The following ESRRG variants were observed in gnomAD, a reference collection of about 807,000 sequenced individuals.
The protein encoded by ESRRG is estrogen related receptor gamma, also known as estrogen-related receptor gamma.
A neutral mutation model predicts 44.0 loss-of-function variants in ESRRG; 13 were observed. The observed-to-expected ratio is 0.30, with a 90% CI of 0.19 to 0.47. ESRRG has a LOEUF of 0.47. Among genes scored for constraint, ESRRG ranks in the 20% least tolerant of loss-of-function variants. The pLI, the probability that ESRRG is intolerant of heterozygous loss-of-function variation, is 1.00. For synonymous variants in ESRRG, 215 were observed against 214.6 expected (o/e 1.00, Z -0.02); for missense variants, 395 against 580.6 (o/e 0.68, Z 3.29).
At chr1:216,779,871 A>G (rs2093861451) in intron 2 of ESRRG, among the ~76,000 whole-genome samples, 2 of 151,674 alleles carry the variant, frequency 1.3e-5, no homozygotes, top group Non-Finnish European at 2.9e-5. Flanking sequence ...CAGTACTTTC[A>G]TCTGTTCAAA....
intron 2 of ESRRG, among the ~76,000 whole-genome samples, chr1:216,811,043 T>C (rs2094953674): frequency 6.6e-6 from 1 of 151,926 alleles, no homozygotes; most frequent in African/African-American, 2.4e-5. Context: ...AAAATAAATT[T>C]CAGAAACTAA....
intron 6 of ESRRG, among the ~76,000 whole-genome samples, chr1:216,514,724 A>G (rs538158602): frequency 2.0e-5 from 3 of 152,278 alleles, no homozygotes; most frequent in Admixed American, 6.5e-5. Context: ...ATAGCCATGC[A>G]TGATTATCAG....
chr1:217,052,242 A>G (rs555857604), intron 1 of ESRRG, among the ~76,000 whole-genome samples: 1 of 152,224 alleles, frequency 6.6e-6, no homozygotes, highest in African/African-American at 2.4e-5. Context: ...TTTTAAAACT[A>G]TGAAGAAAGT....
In ESRRG at chr1:216,519,252, A is replaced by T; in HGVS notation, c.1032T>A (p.Asp344Glu). The T allele has an allele frequency of 6.2e-7, 1 of 1,613,794 alleles. No individual in the cohort carries two copies. The highest frequency in any genetic ancestry group is 8.5e-7 in the Non-Finnish European group (1 of 1,179,790). Residue 344 changes from aspartate (D) to glutamate (E), a missense_variant, in exon 6 of 7, where the codon GAT becomes GAA. Asp to Glu is a conservative substitution (Grantham distance 45, BLOSUM62 2). Coordinates refer to ENST00000408911, the MANE Select transcript of ESRRG (RefSeq NM_001438.4). ...EDQSKLAGLL[D>E]LNNAILQLVK... is the part of the protein sequence containing the mutation. The stretch of plus-strand genomic sequence containing the variant: ...CCAGCTGCAGGATAGCATTATTTAG[A>T]TCAAGAAGGCCTGCTAATTTGGACT...
chr1:216,843,131 G>A (rs1232978681), intron 2 of ESRRG, among the ~76,000 whole-genome samples: 1 of 150,744 alleles, frequency 6.6e-6, no homozygotes, highest in African/African-American at 2.4e-5. Flanking sequence ...GGAAATAAAT[G>A]AGAGATAGTC....
chr1:216,810,832 TATG>T (rs995086549), intron 2 of ESRRG, among the ~76,000 whole-genome samples: 51 of 149,714 alleles, frequency 3.4e-4, no homozygotes, highest in Admixed American at 1.3e-4. Flanking sequence ...TATATAACTC[TATG>T]ATATGTGTGT....
chr1:217,006,172 C>G (rs60358020), intron 1 of ESRRG, among the ~76,000 whole-genome samples: 19,811 of 152,036 alleles, frequency 0.13, 2,201 homozygotes, highest in African/African-American at 0.3. Flanking sequence ...AATAAACATA[C>G]ACTCAATGTT....
At chr1:217,094,159 A>G (rs1358639816), upstream of ESRRG, among the ~76,000 whole-genome samples, 1 of 152,194 alleles carries the variant, frequency 6.6e-6, no homozygotes, top group African/African-American at 2.4e-5. Context: ...TGCTGGGATT[A>G]CAGGCATGAG....
chr1:216,800,652 G>C (rs2094587214), intron 2 of ESRRG, among the ~76,000 whole-genome samples: 1 of 152,118 alleles, frequency 6.6e-6, no homozygotes, highest in Non-Finnish European at 1.5e-5. Context: ...CTTCTTTGAG[G>C]ATCTGATGAA....
At chr1:216,513,992 G>A (rs1283468972) in intron 6 of ESRRG, among the ~76,000 whole-genome samples, 2 of 152,064 alleles carry the variant, frequency 1.3e-5, no homozygotes, top group African/African-American at 4.8e-5. Flanking sequence ...CAACTGCAGA[G>A]TATTTTATGT....
At chr1:216,933,121 T>C (rs1283977875) in intron 2 of ESRRG, among the ~76,000 whole-genome samples, 2 of 152,270 alleles carry the variant, frequency 1.3e-5, no homozygotes, top group East Asian at 3.9e-4. Context: ...GATTAAATGA[T>C]TTATTATATT....
chr1:217,018,962 G>A (rs564546341), intron 1 of ESRRG, among the ~76,000 whole-genome samples: 18 of 152,302 alleles, frequency 1.2e-4, no homozygotes, highest in Middle Eastern at 3.4e-3. Flanking sequence ...ACTTTACAAA[G>A]TGAGTGCTTA....
chr1:216,736,360 T>G (rs1161627190), intron 2 of ESRRG, among the ~76,000 whole-genome samples: 1 of 151,874 alleles, frequency 6.6e-6, no homozygotes, highest in African/African-American at 2.4e-5. Context: ...ATTTTTTGTA[T>G]TTTTAGTAGA....
chr1:216,559,352 C>T (rs2058250647), intron 5 of ESRRG, among the ~76,000 whole-genome samples: 1 of 152,146 alleles, frequency 6.6e-6, no homozygotes, highest in Non-Finnish European at 1.5e-5. Context: ...TTAATTCATT[C>T]ATAGCAAAGT....
At chr1:216,768,245 C>A (rs1015634252) in intron 2 of ESRRG, among the ~76,000 whole-genome samples, 4 of 152,112 alleles carry the variant, frequency 2.6e-5, no homozygotes, top group Non-Finnish European at 5.9e-5. Context: ...CCTGTTATAG[C>A]ATGTAAAACA....
At chr1:216,784,446 T>C (rs1188599325) in intron 2 of ESRRG, among the ~76,000 whole-genome samples, 2 of 152,016 alleles carry the variant, frequency 1.3e-5, no homozygotes, top group Non-Finnish European at 2.9e-5. Context: ...TTTATTTCTA[T>C]CAACACAACA....
At chr1:216,628,519 C>T (rs965820246) in intron 3 of ESRRG, among the ~76,000 whole-genome samples, 1 of 151,932 alleles carries the variant, frequency 6.6e-6, no homozygotes, top group Non-Finnish European at 1.5e-5. Context: ...AAACATGGGG[C>T]CAATTATTAT....
chr1:216,691,456 C>T (rs1224183332), intron 1 of ESRRG, among the ~76,000 whole-genome samples: 1 of 152,062 alleles, frequency 6.6e-6, no homozygotes, highest in Admixed American at 6.6e-5. Context: ...TTGCCAAATG[C>T]TTCTGATGTA....
At chr1:217,026,906 C>CAGAGAG (rs1190481305) in intron 1 of ESRRG, among the ~76,000 whole-genome samples, 22 of 74,634 alleles carry the variant, frequency 2.9e-4, no homozygotes, top group East Asian at 8.4e-4. Context: ...CACACACACA[C>CAGAGAG]ACACACAGAG....
Sources: gnomAD v4.1 joint callset for allele counts (sites outside exome capture counted in the v4.1 genomes callset) on GRCh38, gnomAD v4.1.1 for gene constraint, MANE v1.5 for transcripts, NCBI Gene and HGNC (gene_info 2026-07-23, HGNC 2026-07-21) for gene names.